The following SKAP1 variants were observed in gnomAD, a reference collection of about 807,000 sequenced individuals.
SKAP1 encodes src kinase associated phosphoprotein 1.
A neutral mutation model predicts 58.5 loss-of-function variants in SKAP1; 44 were observed. The observed-to-expected ratio is 0.75, with a 90% CI of 0.59 to 0.97. SKAP1 has a LOEUF of 0.97. Ranked by LOEUF, SKAP1 falls within the 50% of genes least tolerant of loss-of-function variation. The pLI, the probability that SKAP1 is intolerant of heterozygous loss-of-function variation, is 0.00. For synonymous variants in SKAP1, 127 were observed against 149.7 expected, an observed-to-expected ratio of 0.85 and a Z score of 1.11; for missense variants, 390 against 435.2, an observed-to-expected ratio of 0.90 and a Z score of 0.92.
intron 3 of SKAP1, among the ~76,000 whole-genome samples, chr17:48,353,467 A>G (rs1383785026): frequency 6.6e-6 from 1 of 152,214 alleles, no homozygotes; most frequent in Non-Finnish European, 1.5e-5. Context: ...AGCAAGTTGT[A>G]GTAGGCCTTA....
Position 48,407,290 on chromosome 17 carries a change from G to T in SKAP1, c.47-10505C>A, listed in dbSNP as rs2067598622. 1.3e-5 allele frequency among the ~76,000 whole-genome samples: 2 copies of T among 152,034 alleles called. 1 individual carries two copies. Among genetic ancestry groups the T allele is most frequent in the South Asian group, 4.1e-4 (2 of 4,824 alleles). On this transcript the variant is annotated intron_variant, in intron 1 of 12. Transcript: ENST00000336915. ...ACACCAAACTCAAGAAGTCAGAACAGAACAATAAAACAAGTCTATGGGGAA... is the reference window on the plus strand; with the variant it reads ...ACACCAAACTCAAGAAGTCAGAACATAACAATAAAACAAGTCTATGGGGAA...
At chr17:48,138,885 G>C (rs1213035392) in intron 11 of SKAP1, among the ~76,000 whole-genome samples, 2 of 135,704 alleles carry the variant, frequency 1.5e-5, no homozygotes, top group Non-Finnish European at 3.2e-5. Flanking sequence ...AAATTAGAAT[G>C]AAAAAAAAAT....
chr17:48,374,942 G>A (rs1032004998), intron 2 of SKAP1, among the ~76,000 whole-genome samples: 3 of 152,212 alleles, frequency 2.0e-5, no homozygotes, highest in African/African-American at 4.8e-5. Context: ...TTTGGTGGAA[G>A]AGCTGGTGAT....
chr17:48,149,409 CCA>C (rs1567793414), intron 11 of SKAP1, among the ~76,000 whole-genome samples: 1 of 152,092 alleles, frequency 6.6e-6, no homozygotes, highest in Admixed American at 6.5e-5. Flanking sequence ...TTGCACATCA[CCA>C]AGAAAATTAG....
rs78736495 is a variant in SKAP1 at position 48,285,941 on chromosome 17, G to A, written c.280+59964C>T. Among the ~76,000 whole-genome samples, 16 of 152,270 alleles carry A rather than the reference G, an allele frequency of 1.1e-4. No individual in the cohort carries two copies. In the East Asian group the frequency reaches 2.9e-3, roughly 28 times the overall value. On this transcript the variant is annotated intron_variant, in intron 4 of 12. Transcript: ENST00000336915. ...GTGTCCACATTGATGAAATGGGCAT[G>A]GTAATATCTACTTTACAGAATTACT... is the stretch of plus-strand genomic sequence containing the variant.
At chr17:48,256,874 G>A (rs1312654879) in intron 4 of SKAP1, among the ~76,000 whole-genome samples, 1 of 151,878 alleles carries the variant, frequency 6.6e-6, no homozygotes, top group Non-Finnish European at 1.5e-5. Flanking sequence ...GGAGGGGAGA[G>A]TGGCCACATC....
At chr17:48,294,140 C>T (rs886344499) in intron 4 of SKAP1, among the ~76,000 whole-genome samples, 33 of 152,076 alleles carry the variant, frequency 2.2e-4, no homozygotes, top group African/African-American at 7.5e-4. Flanking sequence ...CTTCAGGGGG[C>T]GCCAGGCTCT....
At position 48,162,498 on chromosome 17, in the gene SKAP1, G is replaced by A. The variant is rs762638366; in HGVS notation, c.949C>T (p.Arg317Trp). 8.1e-6 allele frequency: 13 copies of A among 1,613,790 alleles called. No homozygotes were observed. The highest frequency in any genetic ancestry group is 1.3e-5 in the African/African-American group (1 of 74,904). ...GDQPDELSFQ[R>W]GDLIRILSKE... Reference sequence around the variant, plus strand: ...CTCAGAATACGGATGAGGTCACCCCGTTGGAAGGACAGTTCATCTGGCTGG... The same window carrying A: ...CTCAGAATACGGATGAGGTCACCCCATTGGAAGGACAGTTCATCTGGCTGG... Residue 317 changes from arginine to tryptophan, a missense_variant, in exon 11 of 13, where the codon CGG (arginine) becomes TGG (tryptophan). Coordinates refer to ENST00000336915, the MANE Select transcript of SKAP1 (RefSeq NM_003726.4).
At chr17:48,434,735 G>A (rs2067932183), upstream of SKAP1, among the ~76,000 whole-genome samples, 1 of 152,174 alleles carries the variant, frequency 6.6e-6, no homozygotes, top group African/African-American at 2.4e-5. Flanking sequence ...CAGGAGCTGT[G>A]CATTAGAATC....
chr17:48,423,539 G>C (rs920590425), intron 1 of SKAP1, among the ~76,000 whole-genome samples: 2 of 152,118 alleles, frequency 1.3e-5, no homozygotes, highest in African/African-American at 4.8e-5. Flanking sequence ...AGCCACTGTG[G>C]CTACTAAGCA....
chr17:48,155,941 G>A (rs1347993051), intron 11 of SKAP1, among the ~76,000 whole-genome samples: 1 of 152,176 alleles, frequency 6.6e-6, no homozygotes, highest in Non-Finnish European at 1.5e-5. Flanking sequence ...ACTAAGCCAG[G>A]GCACCACACT....
chr17:48,357,108 T>C (rs1168043618), intron 3 of SKAP1, among the ~76,000 whole-genome samples: 1 of 152,228 alleles, frequency 6.6e-6, no homozygotes, highest in Non-Finnish European at 1.5e-5. Context: ...GTCTGTTTGC[T>C]ATTCCAAACA....
intron 2 of SKAP1, among the ~76,000 whole-genome samples, chr17:48,371,654 CAAAAAAAAAAAAAAA>C (rs71141985): frequency 1.7e-3 from 64 of 37,894 alleles, no homozygotes; most frequent in African/African-American, 1.7e-3. Context: ...CTTGTCTCCA[CAAAAAAAAAAAAAAA>C]AAAAAAAAAA....
intron 1 of SKAP1, among the ~76,000 whole-genome samples, chr17:48,412,410 A>G (rs906534927): frequency 2.0e-5 from 3 of 152,238 alleles, no homozygotes; most frequent in Non-Finnish European, 4.4e-5. Flanking sequence ...AAGTAAAATA[A>G]TCATTATGCA....
chr17:48,240,824 A>G (rs2065237660), intron 4 of SKAP1, among the ~76,000 whole-genome samples: 1 of 152,218 alleles, frequency 6.6e-6, no homozygotes, highest in Non-Finnish European at 1.5e-5. Context: ...CAGATTACCT[A>G]GAAAGATATT....
chr17:48,394,981 C>A (rs1188282735), intron 2 of SKAP1, among the ~76,000 whole-genome samples: 2 of 152,180 alleles, frequency 1.3e-5, no homozygotes, highest in Non-Finnish European at 2.9e-5. Context: ...TGCAACAAGT[C>A]AATGAACAGA....
chr17:48,212,677 A>G (rs1208781202), intron 4 of SKAP1, among the ~76,000 whole-genome samples: 1 of 152,246 alleles, frequency 6.6e-6, no homozygotes, highest in East Asian at 1.9e-4. Flanking sequence ...GTTTAAGTCT[A>G]TGGCAATGTT....
chr17:48,438,695 C>T, the SKAP1 span, among the ~76,000 whole-genome samples: 2 of 152,190 alleles, frequency 1.3e-5, no homozygotes, highest in Non-Finnish European at 2.9e-5. Context: ...ATATTAACAC[C>T]TCTTTTCACT....
chr17:48,333,277 A>T (rs2066528190), intron 4 of SKAP1, among the ~76,000 whole-genome samples: 1 of 152,202 alleles, frequency 6.6e-6, no homozygotes, highest in African/African-American at 2.4e-5. Flanking sequence ...GAAACAACAA[A>T]ATGTAATAAT....
Sources: gnomAD v4.1 joint callset for allele counts (sites outside exome capture counted in the v4.1 genomes callset) on GRCh38, gnomAD v4.1.1 for gene constraint, MANE v1.5 for transcripts, NCBI Gene and HGNC (gene_info 2026-07-23, HGNC 2026-07-21) for gene names.